The following ATP2A2 variants were observed in gnomAD, a reference collection of about 807,000 sequenced individuals.
The protein encoded by ATP2A2 is sarcoplasmic/endoplasmic reticulum calcium ATPase 2.
ATP2A2 carries 14 observed loss-of-function variants against 109.3 expected under a neutral mutation model. That is an observed-to-expected ratio of 0.13 (90% CI 0.08 to 0.20). ATP2A2 has a LOEUF of 0.20. Ranked by LOEUF, ATP2A2 falls within the 10% of genes least tolerant of loss-of-function variation. ATP2A2 has a pLI of 1.00. For synonymous variants in ATP2A2, 506 were observed against 490.9 expected (o/e 1.03, Z -0.41); for missense variants, 657 against 1,321.6 (o/e 0.50, Z 7.80).
intron 3 of ATP2A2, among the ~76,000 whole-genome samples, chr12:110,290,855 C>T (rs868723842): frequency 2.0e-5 from 3 of 151,674 alleles, no homozygotes; most frequent in South Asian, 2.1e-4. Flanking sequence ...CTACCTGTCT[C>T]GGCCTCCCAA....
chr12:110,324,967 C>G (rs989620495), intron 6 of ATP2A2, among the ~76,000 whole-genome samples: 1 of 151,658 alleles, frequency 6.6e-6, no homozygotes, highest in Non-Finnish European at 1.5e-5. Context: ...CAGGCATGCA[C>G]CACCACACCT....
In ATP2A2 at chr12:110,334,125, T is replaced by G. The variant is rs1353603716; in HGVS notation, c.1401T>G (p.Arg467=). The G allele has an allele frequency of 6.2e-7, 1 of 1,614,048 alleles. No homozygotes were observed. The highest frequency in any genetic ancestry group is 1.7e-5 in the Admixed American group (1 of 60,018). ...TGAAGGGTCTTTCTAAAATAGAACG[T>G]GCAAATGCCTGCAACTCAGTGAGTA... ...TELKGLSKIE[R]ANACNSVIKQ... is the part of the protein sequence containing the mutation. The change falls in exon 11 of 20, where the codon CGT becomes CGG. Residue 467 remains arginine (R), a synonymous_variant. Coordinates refer to ENST00000539276, the MANE Select transcript of ATP2A2 (RefSeq NM_170665.4).
Position 110,322,972 on chromosome 12 carries a change from C to CTT in ATP2A2, c.464-13_464-12dup, listed in dbSNP as rs763444597. The CTT allele has an allele frequency of 6.3e-7, 1 of 1,582,418 alleles. No individual in the cohort carries two copies. Among genetic ancestry groups the CTT allele is most frequent in the Admixed American group, 1.7e-5 (1 of 59,906 alleles). On this transcript the variant is annotated intron_variant, in intron 5 of 19. Transcript: ENST00000539276. ...TTTAAAAGTTGCTCATTTCAGCCGC[C>CTT]TTTTTTTTCTCCTAATTAGTTGGTG...
At chr12:110,320,441 C>T (rs1157115733) in intron 5 of ATP2A2, among the ~76,000 whole-genome samples, 2 of 152,146 alleles carry the variant, frequency 1.3e-5, no homozygotes, top group African/African-American at 2.4e-5. Flanking sequence ...AATAAATTTT[C>T]CATTTAGGGT....
chr12:110,282,614 T>A lies in ATP2A2; in HGVS notation c.129T>A (p.Ala43=), dbSNP rs151294187. Residue 43 remains alanine (A), a synonymous_variant, in exon 2 of 20, where the codon GCT becomes GCA. Transcript: ENST00000539276. ...KERWGSNELP[A]EEGKTLLELV... ...TTCTACATTCTACAGAGTTACCGGC[T>A]GAAGAAGGTAATCTTAACATGCTGT... 3.8e-4 allele frequency: 619 copies of A among 1,614,090 alleles called. 2 individuals are homozygous for A. The African/African-American group carries it at 7.4e-3, about 19-fold the overall frequency.
At position 110,349,634 on chromosome 12, in the gene ATP2A2, C is replaced by CT. The variant is rs1880213680; in HGVS notation, c.*3165dup. On this transcript the variant is annotated 3_prime_UTR_variant, in exon 20 of 20. Coordinates refer to ENST00000539276, the MANE Select transcript of ATP2A2 (RefSeq NM_170665.4). ...TCAGCCCTGACTGAGGTGGGCAGAC[C>CT]TAAGACCTGAGACCACAAGATTAGC... 1.0e-6 allele frequency: 1 copy of CT among 987,158 alleles called. No individual in the cohort carries two copies. The highest frequency in any genetic ancestry group is 1.2e-6 in the Non-Finnish European group (1 of 831,066). The allele number at this position is 987,158 out of a possible 1,614,324, so 61.1% of individuals were successfully genotyped here.
At chr12:110,323,487 C>T (rs1390196998) in intron 6 of ATP2A2, among the ~76,000 whole-genome samples, 2 of 152,014 alleles carry the variant, frequency 1.3e-5, no homozygotes, top group African/African-American at 4.8e-5. Flanking sequence ...ACCTGGCTGC[C>T]GATACGGTTT....
chr12:110,322,942 A>T (rs1405506813), intron 5 of ATP2A2, 50 bp from the exon 6 acceptor site: 8 of 1,277,088 alleles, frequency 6.3e-6, no homozygotes, highest in Middle Eastern at 1.9e-4. Context: ...TTTAGATAAC[A>T]TAGTTTTAAA....
At position 110,346,209 on chromosome 12, in the gene ATP2A2, C is replaced by A; in HGVS notation, c.2868C>A (p.Phe956Leu). ...TCTTCCCTGTGTGTCAGCTCATCTT[C>A]CAGATCACACCGCTGAACGTGACCC... ...ILYVEPLPLIFQITPLNVTQW... is the reference protein window; with the variant it reads ...ILYVEPLPLILQITPLNVTQW... The change falls in exon 20 of 20, where the codon TTC becomes TTA. Residue 956 changes from phenylalanine to leucine, a missense_variant. By Grantham distance (22) the Phe-to-Leu change is conservative. This residue lies in a region of ATP2A2 where 125 missense variants were observed against 243.5 expected (regional missense o/e 0.51). Transcript: ENST00000539276. The A allele has an allele frequency of 6.2e-7, 1 of 1,614,204 alleles. No individual in the cohort carries two copies. Among genetic ancestry groups the A allele is most frequent in the Non-Finnish European group, 8.5e-7 (1 of 1,180,032 alleles).
intron 5 of ATP2A2, among the ~76,000 whole-genome samples, chr12:110,301,636 C>G (rs1416574084): frequency 6.6e-6 from 1 of 152,160 alleles, no homozygotes. Flanking sequence ...TTGTCTTCCT[C>G]CAGTCCATTC....
In ATP2A2 at chr12:110,282,721, T is replaced by G. The variant is rs781619081; in HGVS notation, c.145T>G (p.Leu49Val). The change falls in exon 3 of 20, where the codon TTG becomes GTG. Residue 49 changes from leucine (L) to valine (V), a missense_variant. Physicochemically the swap from Leu to Val is conservative, Grantham distance 32. Transcript: ENST00000539276. ...GTGTTTGTTTCTTACAGGAAAAACC[T>G]TGCTGGAACTTGTGATTGAGCAGTT... ...NELPAEEGKT[L>V]LELVIEQFED... The G allele has an allele frequency of 6.2e-7, 1 of 1,614,148 alleles. No homozygotes were observed. Among genetic ancestry groups the G allele is most frequent in the Non-Finnish European group, 8.5e-7 (1 of 1,180,002 alleles).
At chr12:110,286,716 C>CTTTTTTTTTTTT (rs1872701851) in intron 3 of ATP2A2, among the ~76,000 whole-genome samples, 1 of 148,596 alleles carries the variant, frequency 6.7e-6, no homozygotes, top group Non-Finnish European at 1.5e-5. Flanking sequence ...AAAAAAAAAA[C>CTTTTTTTTTTTT]TTGATGTAAA....
chr12:110,322,871 T>C (rs1877384243), intron 5 of ATP2A2, 121 bp from the exon 6 acceptor site: 2 of 767,352 alleles, frequency 2.6e-6, no homozygotes, highest in Non-Finnish European at 4.6e-6. Context: ...GAATTTTATG[T>C]ATTTGTGTTA....
upstream of ATP2A2, chr12:110,280,957 G>C (rs1324480278): frequency 2.0e-5 from 3 of 152,178 alleles, no homozygotes. Context: ...CCCACCCTGC[G>C]TCTGCAGGTG....
intron 11 of ATP2A2, among the ~76,000 whole-genome samples, chr12:110,334,611 CAG>C (rs1210133694): frequency 9.0e-6 from 1 of 111,730 alleles, no homozygotes; most frequent in Non-Finnish European, 1.7e-5. Context: ...TTTTTTGAGA[CAG>C]AGTTTCTCTC....
intron 5 of ATP2A2, among the ~76,000 whole-genome samples, chr12:110,321,455 C>T (rs1227542232): frequency 6.6e-6 from 1 of 152,106 alleles, no homozygotes; most frequent in Non-Finnish European, 1.5e-5. Flanking sequence ...CAGAAAATCA[C>T]GGACAGCTGT....
At chr12:110,330,865 C>CT (rs1053915481) in intron 8 of ATP2A2, 4 of 152,138 alleles carry the variant, frequency 2.6e-5, no homozygotes, top group Non-Finnish European at 2.9e-5. Flanking sequence ...TCAAAAATGT[C>CT]TAAGTACATT....
chr12:110,349,724 G>C lies in ATP2A2; in HGVS notation c.*3254G>C. The C allele has an allele frequency of 9.9e-7, 1 of 1,011,350 alleles. No individual in the cohort carries two copies. The highest frequency in any genetic ancestry group is 1.2e-6 in the Non-Finnish European group (1 of 844,336). 62.6% of individuals were successfully genotyped at this position (1,011,350 alleles called of 1,614,324 possible). ...AGCATACCACGTCTGCAGTGCCTGT[G>C]AGCAGAGCCAGCAGTTGCCCTGTGA... On this transcript the variant is annotated 3_prime_UTR_variant, in exon 20 of 20. Coordinates refer to ENST00000539276, the MANE Select transcript of ATP2A2 (RefSeq NM_170665.4).
intron 3 of ATP2A2, among the ~76,000 whole-genome samples, chr12:110,285,893 A>ACTAGACCC (rs1178352906): frequency 6.9e-6 from 1 of 145,332 alleles, no homozygotes; most frequent in Non-Finnish European, 1.5e-5. Context: ...TTTTCTTCCT[A>ACTAGACCC]CTAGACCCCC....
Sources: allele counts gnomAD v4.1 joint callset (sites outside exome capture counted in the v4.1 genomes callset), GRCh38; gene constraint gnomAD v4.1.1; regional missense constraint gnomAD v4.1.1; transcripts MANE v1.5; gene names NCBI Gene and HGNC (gene_info 2026-07-23, HGNC 2026-07-21).